Variants in DACH2 observed in about 807,000 individuals in gnomAD.
The protein encoded by DACH2 is dachshund homolog 2.
In DACH2, 17 loss-of-function variants were observed where a neutral mutation model predicts 35.8. That is an observed-to-expected ratio of 0.48 (90% CI 0.33 to 0.71). DACH2 has a LOEUF of 0.71. DACH2 is among the 30% of genes least tolerant of loss of function. DACH2 has a pLI of 0.02. For synonymous variants in DACH2, 195 were observed against 177.3 expected (o/e 1.10, Z -0.79); for missense variants, 469 against 472.7 (o/e 0.99, Z 0.07).
chrX:86,635,348 C>T (rs1228288337), intron 3 of DACH2, among the ~76,000 whole-genome samples: 1 of 93,032 alleles, frequency 1.1e-5, no homozygotes, highest in Non-Finnish European at 2.2e-5. Flanking sequence ...AAAAAAAAAA[C>T]CTCTCAAACT....
intron 1 of DACH2, chrX:86,160,396 G>T: frequency 1.6e-6 from 1 of 607,093 alleles, no homozygotes; most frequent in Non-Finnish European, 2.8e-6. Context: ...TACACATGAG[G>T]TTGCCAGGAA....
At position 86,240,465 on chromosome X, in the gene DACH2, A is replaced by G. The variant is rs1283759842; in HGVS notation, c.488+91357A>G. 5.7e-5 allele frequency among the ~76,000 whole-genome samples: 6 copies of G among 104,619 alleles called. 1 individual carries two copies. 90.8% of individuals were successfully genotyped at this position (104,619 alleles called of 115,157 possible). Reference sequence around the variant, plus strand: ...TATTATTATTATTATTATTATTATTATTATTATTATTATTACTTTTTGAGA... The same window carrying G: ...TATTATTATTATTATTATTATTATTGTTATTATTATTATTACTTTTTGAGA... On this transcript the variant is annotated intron_variant, in intron 1 of 11. Transcript: ENST00000373125.
At chrX:86,212,772 G>A (rs1279278204) in intron 1 of DACH2, among the ~76,000 whole-genome samples, 1 of 110,826 alleles carries the variant, frequency 9.0e-6, no homozygotes, top group Non-Finnish European at 1.9e-5. Context: ...TCCACTAAAC[G>A]AACATCAAGT....
chrX:86,762,747 A>G (rs1034677435), intron 7 of DACH2, among the ~76,000 whole-genome samples: 2 of 112,093 alleles, frequency 1.8e-5, no homozygotes, highest in African/African-American at 6.5e-5. Context: ...ACAGACATGC[A>G]ATGTGAAATA....
At chrX:86,637,109 A>T (rs1366003979) in intron 3 of DACH2, among the ~76,000 whole-genome samples, 1 of 103,872 alleles carries the variant, frequency 9.6e-6, no homozygotes, top group African/African-American at 3.5e-5. Context: ...GAAGCATATG[A>T]AAAAAAGCTC....
intron 3 of DACH2, among the ~76,000 whole-genome samples, chrX:86,542,243 C>T (rs774141971): frequency 9.0e-6 from 1 of 111,408 alleles, no homozygotes; most frequent in African/African-American, 3.3e-5. Context: ...CCCACCATAA[C>T]TCATGTTAAA....
At chrX:86,780,820 A>T (rs2042082288) in intron 7 of DACH2, among the ~76,000 whole-genome samples, 1 of 111,308 alleles carries the variant, frequency 9.0e-6, no homozygotes, top group African/African-American at 3.3e-5. Context: ...CTTGTTGGGG[A>T]TCGCTCCTGA....
intron 1 of DACH2, among the ~76,000 whole-genome samples, chrX:86,342,337 A>G (rs925658606): frequency 1.4e-4 from 15 of 110,317 alleles, no homozygotes; most frequent in African/African-American, 5.0e-4. Context: ...TGTCTCTACA[A>G]AAAAATAAAA....
At chrX:86,403,244 G>A (rs1347984458) in intron 2 of DACH2, among the ~76,000 whole-genome samples, 2 of 111,755 alleles carry the variant, frequency 1.8e-5, no homozygotes, top group Non-Finnish European at 3.8e-5. Context: ...AGAGTAAACA[G>A]GCAAACTACA....
At chrX:86,691,828 G>C (rs760805285) in intron 4 of DACH2, among the ~76,000 whole-genome samples, 1 of 111,954 alleles carries the variant, frequency 8.9e-6, no homozygotes, top group Admixed American at 9.5e-5. Flanking sequence ...TAGACAGACA[G>C]ACAGATAGAT....
At chrX:86,238,582 A>C (rs1212625797) in intron 1 of DACH2, among the ~76,000 whole-genome samples, 1 of 111,550 alleles carries the variant, frequency 9.0e-6, no homozygotes, top group East Asian at 2.8e-4. Context: ...CAACTGCTTC[A>C]ACAGTACTGC....
At position 86,207,327 on chromosome X, in the gene DACH2, A is replaced by T. The variant is rs781509775; in HGVS notation, c.488+58219A>T. ...TGTAATCTGGTTTCATGAACTCTAT[A>T]ATCAGTCTCTGTGCAAATCTATGCA... On this transcript the variant is annotated intron_variant, in intron 1 of 11. Coordinates refer to ENST00000373125, the MANE Select transcript of DACH2 (RefSeq NM_053281.3). Among the ~76,000 whole-genome samples the T allele has an allele frequency of 3.6e-5, 4 of 111,402 alleles. No individual in the cohort carries two copies. In the East Asian group the frequency reaches 1.1e-3, roughly 32 times the overall value.
intron 1 of DACH2, among the ~76,000 whole-genome samples, chrX:86,348,430 C>T (rs1053639505): frequency 9.0e-6 from 1 of 111,641 alleles, no homozygotes; most frequent in African/African-American, 3.3e-5. Context: ...TCCAGGGTAT[C>T]TTGGAACTGA....
intron 7 of DACH2, among the ~76,000 whole-genome samples, chrX:86,764,434 G>A (rs2041912638): frequency 9.0e-6 from 1 of 110,942 alleles, no homozygotes; most frequent in Admixed American, 9.7e-5. Context: ...TTATATTCAT[G>A]TGCATGCAGT....
chrX:86,229,671 A>G (rs1221318125), intron 1 of DACH2, among the ~76,000 whole-genome samples: 1 of 106,547 alleles, frequency 9.4e-6, no homozygotes, highest in Admixed American at 1.0e-4. Flanking sequence ...TTCCCTGTAG[A>G]GGTCTTTTGA....
chrX:86,421,422 G>C (rs755132868), intron 2 of DACH2, among the ~76,000 whole-genome samples: 5 of 111,499 alleles, frequency 4.5e-5, no homozygotes, highest in African/African-American at 1.6e-4. Context: ...ATGACTGGCA[G>C]AAGATTTAAG....
chrX:86,200,928 T>A (rs1432722066), intron 1 of DACH2, among the ~76,000 whole-genome samples: 1 of 111,503 alleles, frequency 9.0e-6, no homozygotes, highest in Non-Finnish European at 1.9e-5. Flanking sequence ...AGCAATTCCA[T>A]TACTTGGTAT....
intron 1 of DACH2, among the ~76,000 whole-genome samples, chrX:86,288,255 G>C (rs1036668291): frequency 1.0e-4 from 10 of 96,754 alleles, no homozygotes; most frequent in Non-Finnish European, 1.6e-4. Context: ...CTTTCCCTCT[G>C]TTCTGAGTCA....
chrX:86,373,569 C>T (rs897010014), intron 1 of DACH2, among the ~76,000 whole-genome samples: 4 of 110,498 alleles, frequency 3.6e-5, no homozygotes, highest in South Asian at 3.8e-4. Flanking sequence ...TCATTCAGGT[C>T]GGTATATTGG....
Sources: gnomAD v4.1 joint callset for allele counts (sites outside exome capture counted in the v4.1 genomes callset) on GRCh38, gnomAD v4.1.1 for gene constraint, MANE v1.5 for transcripts, NCBI Gene and HGNC (gene_info 2026-07-23, HGNC 2026-07-21) for gene names.